Variants in ALOX12 observed in about 807,000 individuals in gnomAD.
ALOX12 encodes the protein arachidonate 12-lipoxygenase, 12S type.
Under a neutral mutation model 85.5 loss-of-function variants are expected in ALOX12, and 62 were observed. The observed-to-expected ratio is 0.73, with a 90% CI of 0.59 to 0.90. The LOEUF is 0.90. Among genes scored for constraint, ALOX12 ranks in the 40% least tolerant of loss-of-function variants. The pLI is 0.00. For missense variants in ALOX12, 751 were observed against 856.5 expected, an observed-to-expected ratio of 0.88 and a Z score of 1.54; for synonymous variants, 299 against 332.7, an observed-to-expected ratio of 0.90 and a Z score of 1.10.
At chr17:7,009,257 C>T (rs1909263834) in intron 11 of ALOX12, among the ~76,000 whole-genome samples, 1 of 151,866 alleles carries the variant, frequency 6.6e-6, no homozygotes, top group South Asian at 2.1e-4. Context: ...GACGGGGTTT[C>T]ACCGTGTTAG....
intron 10 of ALOX12, 36 bp downstream of exon 10, chr17:7,006,063 G>A (rs777601443): frequency 5.7e-6 from 1 of 176,988 alleles, no homozygotes; most frequent in Admixed American, 5.7e-5. Context: ...GTGGGGCCGG[G>A]GGGGGGGGGG....
chr17:7,008,098 T>A (rs1909180309), intron 11 of ALOX12, among the ~76,000 whole-genome samples: 1 of 152,152 alleles, frequency 6.6e-6, no homozygotes, highest in Non-Finnish European at 1.5e-5. Flanking sequence ...ATCAAACCCA[T>A]TCAGGAGGGC....
intron 8 of ALOX12, among the ~76,000 whole-genome samples, chr17:7,003,710 A>C (rs1908827375): frequency 6.6e-6 from 1 of 152,178 alleles, no homozygotes; most frequent in Admixed American, 6.6e-5. Context: ...TTGCAGGCAC[A>C]TGCCGCCACA....
In ALOX12 at chr17:7,010,616, G is replaced by A. The variant is rs532096050; in HGVS notation, c.*193G>A. The A allele has an allele frequency of 7.7e-6, 5 of 646,040 alleles. No individual in the cohort carries two copies. The highest frequency in any genetic ancestry group is 6.6e-5 in the Admixed American group (2 of 30,472). 40.0% of individuals were successfully genotyped at this position (646,040 alleles called of 1,614,324 possible). A position where few individuals can be genotyped will look rare whatever the true frequency, so the allele number is the denominator to read the frequency against. Reference sequence around the variant, plus strand: ...CTGCAAAGACTAGATCCTTTTTTACGCTTTGCAGACCGCATAGTCACTGTC... The same window carrying A: ...CTGCAAAGACTAGATCCTTTTTTACACTTTGCAGACCGCATAGTCACTGTC... On this transcript the variant is annotated 3_prime_UTR_variant, in exon 14 of 14. Transcript: ENST00000251535.
At chr17:7,009,596 T>G (rs1282225823) in intron 11 of ALOX12, 151 bp from the exon 12 acceptor site, 23 of 692,924 alleles carry the variant, frequency 3.3e-5, no homozygotes, top group African/African-American at 3.1e-4. Context: ...TGTAAGTGAC[T>G]GAGCCAGGAC....
chr17:7,008,741 G>A (rs1030937987), intron 11 of ALOX12, among the ~76,000 whole-genome samples: 8 of 146,036 alleles, frequency 5.5e-5, no homozygotes, highest in Non-Finnish European at 9.0e-5. Flanking sequence ...GCAAGACTCC[G>A]TCTCAAAAAA....
chr17:7,000,506 C>T lies in ALOX12; in HGVS notation c.951+27C>T, dbSNP rs372000377. 62 of 1,611,736 alleles carry T rather than the reference C, an allele frequency of 3.8e-5. No homozygotes were observed. Among genetic ancestry groups the T allele is most frequent in the African/African-American group, 2.0e-4 (15 of 74,856 alleles). On this transcript the variant is annotated intron_variant, in intron 7 of 13. Coordinates refer to ENST00000251535, the MANE Select transcript of ALOX12 (RefSeq NM_000697.3). This position sits in a 1 kb window ranked among gnomAD's most constrained non-coding sequence, Gnocchi z 4.6. ...TAAGGGCCCCAGACCTCTCCCACAA[C>T]GTTGCACTCTGTTCACCTCAACCTC...
chr17:7,008,673 G>C (rs928301474), intron 11 of ALOX12, among the ~76,000 whole-genome samples: 1 of 151,828 alleles, frequency 6.6e-6, no homozygotes, highest in South Asian at 2.1e-4. Flanking sequence ...TTGAACCTGA[G>C]AGGCGGAGGT....
chr17:7,004,322 A>ATTAATTTAAT (rs1419501496), intron 8 of ALOX12, among the ~76,000 whole-genome samples: 19 of 96,630 alleles, frequency 2.0e-4, no homozygotes, highest in Non-Finnish European at 2.9e-4. Context: ...TAATTTTAAT[A>ATTAATTTAAT]TTAATTTAAT....
At chr17:6,999,125 T>C in intron 5 of ALOX12, 69 bp downstream of exon 5, 1 of 1,533,052 alleles carries the variant, frequency 6.5e-7, no homozygotes, top group African/African-American at 1.4e-5. Flanking sequence ...CACTCCACAG[T>C]CCCCCGTAAC....
chr17:7,001,515 T>A (rs1908708061), intron 7 of ALOX12, 87 bp from the exon 8 acceptor site: 1 of 1,326,196 alleles, frequency 7.5e-7, no homozygotes, highest in African/African-American at 1.4e-5. Flanking sequence ...AAGGCAATAA[T>A]CTTACTTAGT....
At chr17:7,006,239 G>A (rs1909065442) in intron 10 of ALOX12, among the ~76,000 whole-genome samples, 1 of 151,456 alleles carries the variant, frequency 6.6e-6, no homozygotes, top group South Asian at 2.1e-4. Flanking sequence ...AGCTGTGGGG[G>A]GAGACTGGGG....
At chr17:7,007,242 T>C (rs1005063288) in intron 11 of ALOX12, among the ~76,000 whole-genome samples, 6 of 152,190 alleles carry the variant, frequency 3.9e-5, no homozygotes, top group Non-Finnish European at 8.8e-5. Flanking sequence ...AGCCACTACC[T>C]TTAGTCAACT....
At position 7,006,803 on chromosome 17, in the gene ALOX12, CAG is replaced by C. The variant is rs1420441006; in HGVS notation, c.1540+200_1540+201del. 2.6e-5 allele frequency among the ~76,000 whole-genome samples: 4 copies of C among 152,090 alleles called. No individual in the cohort carries two copies. The East Asian group carries it at 7.7e-4, about 29-fold the overall frequency. ...CTAGAGACCCAAGGACTGTCCTCCTCAGAGACCCTGGCCATCAACCCCTAGTC... is the reference window on the plus strand; with the variant it reads ...CTAGAGACCCAAGGACTGTCCTCCTCAGACCCTGGCCATCAACCCCTAGTC... On this transcript the variant is annotated intron_variant, in intron 11 of 13. Coordinates refer to ENST00000251535, the MANE Select transcript of ALOX12 (RefSeq NM_000697.3).
In ALOX12 at chr17:6,998,521, G is replaced by T; in HGVS notation, c.350G>T (p.Gly117Val). ...SLPEGTARLP[G>V]DNALDMFQKH... Reference sequence around the variant, plus strand: ...GATGTCTCCCCAGCCCGCCTGCCAGGAGACAATGCTTTGGACATGTTCCAG... The same window carrying T: ...GATGTCTCCCCAGCCCGCCTGCCAGTAGACAATGCTTTGGACATGTTCCAG... The change falls in exon 3 of 14, where the codon GGA (glycine) becomes GTA (valine). Residue 117 changes from glycine (G) to valine (V), a missense_variant. Transcript: ENST00000251535. 6.2e-7 allele frequency: 1 copy of T among 1,613,698 alleles called. No homozygotes were observed. The highest frequency in any genetic ancestry group is 8.5e-7 in the Non-Finnish European group (1 of 1,179,728).
At chr17:7,003,999 A>C (rs1452785069) in intron 8 of ALOX12, among the ~76,000 whole-genome samples, 1 of 133,938 alleles carries the variant, frequency 7.5e-6, no homozygotes, top group African/African-American at 2.7e-5. Context: ...GATAAAAAGA[A>C]ACGCATGTAA....
chr17:7,002,398 C>A, intron 8 of ALOX12: 1 of 428,702 alleles, frequency 2.3e-6, no homozygotes, highest in Non-Finnish European at 4.8e-6. Context: ...GTAGCTGCAG[C>A]GTGCCTGGGT....
At position 6,997,035 on chromosome 17, in the gene ALOX12, G is replaced by C; in HGVS notation, c.337+8G>C. The C allele has an allele frequency of 1.3e-6, 2 of 1,529,710 alleles. No individual in the cohort carries two copies. Among genetic ancestry groups the C allele is most frequent in the Non-Finnish European group, 1.8e-6 (2 of 1,135,216 alleles). The allele number at this position is 1,529,710 out of a possible 1,614,324, so 94.8% of individuals were successfully genotyped here. A position where few individuals can be genotyped will look rare whatever the true frequency, so the allele number is the denominator to read the frequency against. ...GCCTGCCCGAGGGCACCGGTGAGCA[G>C]GCGGCGTCGGGGAAGGAGGCACAAG... On this transcript the variant is annotated splice_region_variant and intron_variant, in intron 2 of 13. Coordinates refer to ENST00000251535, the MANE Select transcript of ALOX12 (RefSeq NM_000697.3).
chr17:7,002,039 C>T lies in ALOX12; in HGVS notation c.1161+228C>T, dbSNP rs11571337. ...TCAGAGATCTGACAGTCTAGCAGTG[C>T]GCTCACAGTAGGGCTTGAACACTGC... On this transcript the variant is annotated intron_variant, in intron 8 of 13. Transcript: ENST00000251535. 0.11 allele frequency: 58,305 copies of T among 552,966 alleles called. 3,755 individuals are homozygous for T. Among genetic ancestry groups the T allele is most frequent in the South Asian group, 0.22 (10,403 of 46,810 alleles). 34.3% of individuals were successfully genotyped at this position (552,966 alleles called of 1,614,324 possible). A position where few individuals can be genotyped will look rare whatever the true frequency, so the allele number is the denominator to read the frequency against.
Sources: allele counts gnomAD v4.1 joint callset (sites outside exome capture counted in the v4.1 genomes callset), GRCh38; gene constraint gnomAD v4.1.1; non-coding constraint Gnocchi (gnomAD v3.1); transcripts MANE v1.5; gene names NCBI Gene and HGNC (gene_info 2026-07-23, HGNC 2026-07-21).